The following CDK8 variants were observed in gnomAD, a reference collection of about 807,000 sequenced individuals.
CDK8 encodes the protein cyclin dependent kinase 8.
In CDK8, 29 loss-of-function variants were observed where a neutral mutation model predicts 71.5. The ratio of observed to expected loss-of-function variants is 0.41; its 90% CI spans 0.30 to 0.55. The LOEUF (loss-of-function observed/expected upper bound fraction) is 0.55. Ranked by LOEUF, CDK8 falls within the 20% of genes least tolerant of loss-of-function variation. The pLI, the probability that CDK8 is intolerant of heterozygous loss-of-function variation, is 0.37. For missense variants in CDK8, 288 were observed against 572.6 expected, an observed-to-expected ratio of 0.50 and a Z score of 5.07; for synonymous variants, 161 against 192.1, an observed-to-expected ratio of 0.84 and a Z score of 1.34.
intron 1 of CDK8, among the ~76,000 whole-genome samples, chr13:26,333,489 T>C (rs931676939): frequency 1.3e-5 from 2 of 152,170 alleles, no homozygotes; most frequent in Non-Finnish European, 2.9e-5. Flanking sequence ...AGAAAATAAT[T>C]AGTTATTAGT....
chr13:26,279,162 C>G (rs972746499), intron 1 of CDK8, among the ~76,000 whole-genome samples: 1 of 151,924 alleles, frequency 6.6e-6, no homozygotes, highest in Non-Finnish European at 1.5e-5. Flanking sequence ...GGGGGTGGTT[C>G]TTTACAGAAG....
intron 1 of CDK8, among the ~76,000 whole-genome samples, chr13:26,258,503 G>C (rs974297272): frequency 3.3e-5 from 5 of 151,828 alleles, no homozygotes; most frequent in Admixed American, 2.6e-4. Context: ...GTGTGTGTGT[G>C]TGTGTGTGTG....
chr13:26,262,390 A>ATG (rs10556354), intron 1 of CDK8, among the ~76,000 whole-genome samples: 170 of 151,474 alleles, frequency 1.1e-3, no homozygotes, highest in African/African-American at 3.1e-3. Context: ...ACTTTTGTGT[A>ATG]TGTGTGTGTG....
rs151124261 is a variant in CDK8 at position 26,386,948 on chromosome 13, T to C, written c.646+1606T>C. ...GCACACTCAATCTGAAGTTCATATC[T>C]TGTATCTGTGGGAAATTCTCTTGTG... is the stretch of plus-strand genomic sequence containing the variant. On this transcript the variant is annotated intron_variant, in intron 6 of 12. Coordinates refer to ENST00000381527, the MANE Select transcript of CDK8 (RefSeq NM_001260.3). Among the ~76,000 whole-genome samples, 335 of 152,342 alleles carry C rather than the reference T, an allele frequency of 2.2e-3. 2 individuals are homozygous for C. Among genetic ancestry groups the C allele is most frequent in the African/African-American group, 7.7e-3 (322 of 41,578 alleles).
At chr13:26,258,492 G>GGGGTGTGT (rs139953722) in intron 1 of CDK8, among the ~76,000 whole-genome samples, 4 of 147,424 alleles carry the variant, frequency 2.7e-5, no homozygotes, top group African/African-American at 9.9e-5. Flanking sequence ...TATCTAGAGG[G>GGGGTGTGT]GTGTGTGTGT....
intron 4 of CDK8, among the ~76,000 whole-genome samples, chr13:26,381,568 T>C (rs945182654): frequency 6.6e-6 from 1 of 152,070 alleles, no homozygotes; most frequent in African/African-American, 2.4e-5. Flanking sequence ...AAAATTACTT[T>C]CAGGATGATA....
chr13:26,384,172 A>G (rs1273749222), intron 5 of CDK8, among the ~76,000 whole-genome samples: 1 of 152,190 alleles, frequency 6.6e-6, no homozygotes, highest in East Asian at 1.9e-4. Context: ...ATTCACATTT[A>G]AGAAGAAATA....
chr13:26,334,037 A>G (rs182379130), intron 1 of CDK8, among the ~76,000 whole-genome samples: 89 of 152,314 alleles, frequency 5.8e-4, no homozygotes, highest in Non-Finnish European at 7.8e-4. Flanking sequence ...TTTTATAATC[A>G]GATGTCATTT....
At chr13:26,317,523 G>A (rs2137941319) in intron 1 of CDK8, among the ~76,000 whole-genome samples, 1 of 152,230 alleles carries the variant, frequency 6.6e-6, no homozygotes, top group Non-Finnish European at 1.5e-5. Context: ...CATTTTCCAG[G>A]ATAGGCAATA....
intron 4 of CDK8, among the ~76,000 whole-genome samples, chr13:26,373,232 A>G (rs956381854): frequency 2.0e-5 from 3 of 152,098 alleles, no homozygotes; most frequent in Non-Finnish European, 4.4e-5. Context: ...TGTACTAATC[A>G]TAATTGGTAG....
chr13:26,260,000 A>G (rs1425122026), intron 1 of CDK8, among the ~76,000 whole-genome samples: 1 of 152,208 alleles, frequency 6.6e-6, no homozygotes, highest in Non-Finnish European at 1.5e-5. Flanking sequence ...TTTTTAGGAA[A>G]AGCTTCAAAG....
chr13:26,341,254 G>A lies in CDK8; in HGVS notation c.204+3612G>A, dbSNP rs189898692. Among the ~76,000 whole-genome samples the A allele has an allele frequency of 7.8e-3, 1,184 of 152,238 alleles. 4 individuals are homozygous for A. Among genetic ancestry groups the A allele is most frequent in the Non-Finnish European group, 0.012 (837 of 68,018 alleles). ...TGATTCTCCTGCCTCAGCCTCCTGA[G>A]TAGTTAGGATTACAGGTGCGCGCCA... On this transcript the variant is annotated intron_variant, in intron 2 of 12. Coordinates refer to ENST00000381527, the MANE Select transcript of CDK8 (RefSeq NM_001260.3).
intron 1 of CDK8, among the ~76,000 whole-genome samples, chr13:26,326,707 T>C (rs1875034431): frequency 6.6e-6 from 1 of 152,176 alleles, no homozygotes; most frequent in Non-Finnish European, 1.5e-5. Context: ...TCAGAGCCAA[T>C]GTGTTTTACT....
At chr13:26,261,414 T>G (rs934391105) in intron 1 of CDK8, among the ~76,000 whole-genome samples, 1 of 152,194 alleles carries the variant, frequency 6.6e-6, no homozygotes, top group Non-Finnish European at 1.5e-5. Context: ...TGTCTAATCC[T>G]AGGACATTTT....
At chr13:26,320,099 C>T (rs1874701850) in intron 1 of CDK8, among the ~76,000 whole-genome samples, 1 of 151,912 alleles carries the variant, frequency 6.6e-6, no homozygotes, top group South Asian at 2.1e-4. Context: ...AGATGTGAAA[C>T]CTAAGACAAT....
At position 26,363,932 on chromosome 13, in the gene CDK8, TTTTA is replaced by T. The variant is rs1874263794; in HGVS notation, c.456+10056_456+10059del. On this transcript the variant is annotated intron_variant, in intron 4 of 12. Coordinates refer to ENST00000381527, the MANE Select transcript of CDK8 (RefSeq NM_001260.3). ...ATTAAGGCATTTTGGGTCTGATTCT[TTTTA>T]TTTGAGTGACAAAGTGAAAAAACAC... Among the ~76,000 whole-genome samples the T allele has an allele frequency of 2.0e-5, 3 of 152,178 alleles. No homozygotes were observed. The South Asian group carries it at 6.2e-4, about 32-fold the overall frequency.
At chr13:26,341,916 C>G (rs910586944) in intron 2 of CDK8, among the ~76,000 whole-genome samples, 2 of 151,706 alleles carry the variant, frequency 1.3e-5, no homozygotes, top group African/African-American at 4.8e-5. Context: ...ATCTTTAAAC[C>G]TTCTGTTTTC....
intron 9 of CDK8, among the ~76,000 whole-genome samples, chr13:26,398,816 T>C (rs1477627400): frequency 6.6e-6 from 1 of 151,732 alleles, no homozygotes; most frequent in South Asian, 2.1e-4. Flanking sequence ...ATACAAAAAG[T>C]AGCTGAGTGT....
rs149032748 is a variant in CDK8, at chr13:26,339,114, A to G, written c.204+1472A>G. The stretch of plus-strand genomic sequence containing the variant: ...ATCATGGCTCTTCAATCTAAGATGA[A>G]CAGAAATGTTTAATTTTTATGAAGT... On this transcript the variant is annotated intron_variant, in intron 2 of 12. Transcript: ENST00000381527. 4.0e-3 allele frequency among the ~76,000 whole-genome samples: 616 copies of G among 152,200 alleles called. 5 individuals carry two copies. Among genetic ancestry groups the G allele is most frequent in the African/African-American group, 0.014 (565 of 41,564 alleles).
Sources: gnomAD v4.1 joint callset for allele counts (sites outside exome capture counted in the v4.1 genomes callset) on GRCh38, gnomAD v4.1.1 for gene constraint, MANE v1.5 for transcripts, NCBI Gene and HGNC (gene_info 2026-07-23, HGNC 2026-07-21) for gene names.